Variants in TMC3 observed in about 807,000 individuals in gnomAD.
The protein encoded by TMC3 is transmembrane channel like 3, also known as transmembrane channel-like protein 3.
In TMC3, 98 loss-of-function variants were observed where a neutral mutation model predicts 110.6. The observed-to-expected ratio is 0.89, with a 90% CI of 0.75 to 1.05. The LOEUF (loss-of-function observed/expected upper bound fraction) is 1.05, where lower values mean the gene tolerates loss of function less well. TMC3 is among the 50% of genes least tolerant of loss of function. The pLI is 0.00. For synonymous variants in TMC3, 489 were observed against 513.1 expected (o/e 0.95, Z 0.63); for missense variants, 1,319 against 1,373.2 (o/e 0.96, Z 0.62).
intron 3 of TMC3, among the ~76,000 whole-genome samples, chr15:81,364,768 T>C (rs1357543751): frequency 1.3e-5 from 2 of 151,914 alleles, no homozygotes; most frequent in African/African-American, 4.8e-5. Context: ...AAAAATTCTG[T>C]ACCCTGGTAG....
chr15:81,343,354 G>T lies in TMC3; in HGVS notation c.1648-9C>A. On this transcript the variant is annotated splice_polypyrimidine_tract_variant and intron_variant, in intron 14 of 21. Coordinates refer to ENST00000359440, the MANE Select transcript of TMC3 (RefSeq NM_001080532.3). ...AATTCTCCATATTCAGGCTACAAGA[G>T]AAAATAAACTTGTGCATTAAACAAG... 1 of 1,593,960 alleles carries T rather than the reference G, an allele frequency of 6.3e-7. No homozygotes were observed. The highest frequency in any genetic ancestry group is 8.6e-7 in the Non-Finnish European group (1 of 1,161,728).
Position 81,372,727 on chromosome 15 carries a change from C to T in TMC3, c.100G>A (p.Asp34Asn), listed in dbSNP as rs1057097151. The change falls in exon 2 of 22, where the codon GAC becomes AAC. Residue 34 changes from aspartate (D) to asparagine (N), a missense_variant. Coordinates refer to ENST00000359440, the MANE Select transcript of TMC3 (RefSeq NM_001080532.3). ...QESLLLSNLDDSFSADETGDS... is the reference protein window; with the variant it reads ...QESLLLSNLDNSFSADETGDS... ...CCTGTTTCATCAGCACTAAAGCTGT[C>T]ATCCAAGTTGCTGAATGATCAGGGC... The T allele has an allele frequency of 6.2e-7, 1 of 1,613,966 alleles. No homozygotes were observed. Among genetic ancestry groups the T allele is most frequent in the African/African-American group, 1.3e-5 (1 of 75,058 alleles).
intron 1 of TMC3, 133 bp from the exon 2 acceptor site, chr15:81,372,870 C>CGTGT (rs58420711): frequency 0.026 from 14,226 of 550,156 alleles, 102 homozygotes; most frequent in African/African-American, 0.048. Context: ...TGTGTTTGTG[C>CGTGT]GTGTGTGTGT....
At position 81,332,868 on chromosome 15, in the gene TMC3, C is replaced by T. The variant is rs777007591; in HGVS notation, c.2854G>A (p.Asp952Asn). The part of the protein sequence containing the change: ...SEEEEETPSR[D>N]WIKRSLPPRS... ...GGGGGAAGAGACCGTTTGATCCAAT[C>T]TCTGCTTGGCGTCTCCTCCTCTTCT... Residue 952 changes from aspartate to asparagine, a missense_variant, in exon 22 of 22, where the codon GAT (aspartate) becomes AAT (asparagine). Asp to Asn is a conservative substitution (Grantham distance 23, BLOSUM62 1). Transcript: ENST00000359440. 1.6e-5 allele frequency: 26 copies of T among 1,613,300 alleles called. No individual in the cohort carries two copies. The highest frequency in any genetic ancestry group is 1.9e-5 in the Non-Finnish European group (22 of 1,179,896).
rs1567059511 is a variant in TMC3 at position 81,332,880 on chromosome 15, T to A, written c.2842A>T (p.Thr948Ser). The stretch of plus-strand genomic sequence containing the variant: ...CGTTTGATCCAATCTCTGCTTGGCG[T>A]CTCCTCCTCTTCTTCACTCAGCTGT... ...SPQLSEEEEE[T>S]PSRDWIKRSL... Residue 948 changes from threonine to serine, a missense_variant, in exon 22 of 22, where the codon ACG (threonine) becomes TCG (serine). Coordinates refer to ENST00000359440, the MANE Select transcript of TMC3 (RefSeq NM_001080532.3). 9.3e-6 allele frequency: 15 copies of A among 1,613,306 alleles called. No individual in the cohort carries two copies. The highest frequency in any genetic ancestry group is 1.2e-5 in the Non-Finnish European group (14 of 1,179,878).
At chr15:81,343,248 G>T in intron 15 of TMC3, 30 bp downstream of exon 15, 1 of 1,473,220 alleles carries the variant, frequency 6.8e-7, no homozygotes. Context: ...TGAGATGTAA[G>T]CAAAGGCAAG....
At position 81,369,509 on chromosome 15, in the gene TMC3, A is replaced by T. The variant is rs377620011; in HGVS notation, c.237-1181T>A. Among the ~76,000 whole-genome samples, 7 of 152,338 alleles carry T rather than the reference A, an allele frequency of 4.6e-5. No homozygotes were observed. In the East Asian group the frequency reaches 9.6e-4, roughly 21 times the overall value. On this transcript the variant is annotated intron_variant, in intron 2 of 21. Transcript: ENST00000359440. ...GCAAGTTTTTAAAAAGTAAAAGCCT[A>T]TTGAAGTCAAATAACAATTCATTTT...
intron 4 of TMC3, among the ~76,000 whole-genome samples, chr15:81,361,662 A>C (rs554073559): frequency 2.6e-5 from 4 of 152,338 alleles, no homozygotes; most frequent in African/African-American, 9.6e-5. Flanking sequence ...TTGGAAAATT[A>C]ACATCTTCCA....
At chr15:81,334,341 A>G (rs1342041243) in intron 21 of TMC3, among the ~76,000 whole-genome samples, 1 of 152,188 alleles carries the variant, frequency 6.6e-6, no homozygotes, top group Non-Finnish European at 1.5e-5. Context: ...CTTTGACCCC[A>G]TGTAATGCAT....
chr15:81,333,412 T>G (rs1893519985), intron 21 of TMC3, 150 bp from the exon 22 acceptor site: 2 of 1,112,396 alleles, frequency 1.8e-6, no homozygotes, highest in South Asian at 3.4e-5. Flanking sequence ...ACAGAGACAT[T>G]TGGGGGACAG....
chr15:81,373,889 C>T, intron 1 of TMC3, 100 bp downstream of exon 1: 2 of 1,125,522 alleles, frequency 1.8e-6, no homozygotes, highest in Admixed American at 2.1e-5. Context: ...TGAAGGACAA[C>T]TGAGCAGGAC....
At chr15:81,356,947 A>G (rs1567067190) in intron 7 of TMC3, among the ~76,000 whole-genome samples, 1 of 152,142 alleles carries the variant, frequency 6.6e-6, no homozygotes, top group African/African-American at 2.4e-5. Flanking sequence ...TTTCCTTTGA[A>G]TCAGTCTTCT....
intron 11 of TMC3, among the ~76,000 whole-genome samples, chr15:81,349,111 G>A (rs911936123): frequency 4.6e-5 from 7 of 152,186 alleles, no homozygotes; most frequent in African/African-American, 1.7e-4. Context: ...GATTACAGGC[G>A]TGAGCCACCA....
chr15:81,331,280 C>T lies in TMC3; in HGVS notation c.*1139G>A, dbSNP rs896821473. ...GTTCAGTCTTTTACATTTATCTATA[C>T]TACATGTTCCACATCCCTGGGAAAC... On this transcript the variant is annotated 3_prime_UTR_variant, in exon 22 of 22. Coordinates refer to ENST00000359440, the MANE Select transcript of TMC3 (RefSeq NM_001080532.3). 1 of 152,178 alleles carries T rather than the reference C, an allele frequency of 6.6e-6. No individual in the cohort carries two copies. The highest frequency in any genetic ancestry group is 2.4e-5 in the African/African-American group (1 of 41,438). 9.4% of individuals were successfully genotyped at this position (152,178 alleles called of 1,614,324 possible).
Position 81,336,657 on chromosome 15 carries a change from A to C in TMC3, c.2161-6T>G, listed in dbSNP as rs371105295. 6 of 1,613,846 alleles carry C rather than the reference A, an allele frequency of 3.7e-6. No homozygotes were observed. Among genetic ancestry groups the C allele is most frequent in the Admixed American group, 1.7e-5 (1 of 60,006 alleles). On this transcript the variant is annotated splice_region_variant and splice_polypyrimidine_tract_variant and intron_variant, in intron 19 of 21. Transcript: ENST00000359440. ...TTCTTATCCTCTGATCTTGCCTAAA[A>C]TGCAAATGATATGCATGTTTGTTTT...
At chr15:81,367,895 C>T (rs1031746694) in intron 3 of TMC3, among the ~76,000 whole-genome samples, 1 of 152,110 alleles carries the variant, frequency 6.6e-6, no homozygotes, top group African/African-American at 2.4e-5. Context: ...CTCTGGAGAC[C>T]ACAGTGCTCA....
chr15:81,333,220 C>A lies in TMC3; in HGVS notation c.2502G>T (p.Arg834Ser). 1 of 1,613,500 alleles carries A rather than the reference C, an allele frequency of 6.2e-7. No individual in the cohort carries two copies. Among genetic ancestry groups the A allele is most frequent in the Non-Finnish European group, 8.5e-7 (1 of 1,179,578 alleles). ...GLCASTSDLH[R>S]NRSRTPMTFT... ...ATGTCATAGGTGTGCGCGATCTGTT[C>A]CTGTGAAGGTCACTGGTGCTTGCAC... The change falls in exon 22 of 22, where the codon AGG (arginine) becomes AGT (serine). Residue 834 changes from arginine to serine, a missense_variant. By Grantham distance (110) the Arg-to-Ser change is moderately radical. Transcript: ENST00000359440.
intron 2 of TMC3, among the ~76,000 whole-genome samples, chr15:81,370,849 AT>A (rs1363108591): frequency 6.6e-6 from 1 of 151,768 alleles, no homozygotes; most frequent in Admixed American, 6.6e-5. Flanking sequence ...TAATTTTTGT[AT>A]TTTTAATAGA....
intron 2 of TMC3, among the ~76,000 whole-genome samples, chr15:81,368,888 A>G (rs1894374673): frequency 1.4e-5 from 2 of 147,288 alleles, no homozygotes; most frequent in Admixed American, 1.3e-4. Flanking sequence ...ATCTCTGCCT[A>G]AATGTTCAGT....
Sources: allele counts gnomAD v4.1 joint callset (sites outside exome capture counted in the v4.1 genomes callset), GRCh38; gene constraint gnomAD v4.1.1; transcripts MANE v1.5; gene names NCBI Gene and HGNC (gene_info 2026-07-23, HGNC 2026-07-21).